SUGCT: variants seen among roughly 807,000 people sequenced by gnomAD.
SUGCT encodes the protein succinyl-CoA:glutarate-CoA transferase.
Under a neutral mutation model 55.0 loss-of-function variants are expected in SUGCT, and 41 were observed. The observed-to-expected ratio is 0.74, with a 90% CI of 0.58 to 0.97. The LOEUF is 0.97. Ranked by LOEUF, SUGCT falls within the 50% of genes least tolerant of loss-of-function variation. SUGCT has a pLI of 0.00. For missense variants in SUGCT, 568 were observed against 547.8 expected, an observed-to-expected ratio of 1.04 and a Z score of -0.37; for synonymous variants, 187 against 200.4, an observed-to-expected ratio of 0.93 and a Z score of 0.56.
chr7:40,897,816 A>T, the SUGCT span, among the ~76,000 whole-genome samples: 1 of 152,202 alleles, frequency 6.6e-6, no homozygotes, highest in Non-Finnish European at 1.5e-5. Flanking sequence ...AAAGGTTTGT[A>T]AACGCACCAA....
the SUGCT span, among the ~76,000 whole-genome samples, chr7:40,956,524 A>T: frequency 6.6e-6 from 1 of 151,754 alleles, no homozygotes; most frequent in Non-Finnish European, 1.5e-5. Context: ...TGTCTTCTTT[A>T]TTCATCTGGC....
At chr7:40,325,784 C>T (rs1010727414) in intron 9 of SUGCT, among the ~76,000 whole-genome samples, 4 of 151,932 alleles carry the variant, frequency 2.6e-5, no homozygotes, top group East Asian at 1.9e-4. Context: ...CCAGCCTGGG[C>T]GACGAGCAAA....
At chr7:40,213,058 T>A (rs1298562738) in intron 6 of SUGCT, among the ~76,000 whole-genome samples, 1 of 152,220 alleles carries the variant, frequency 6.6e-6, no homozygotes, top group East Asian at 1.9e-4. Flanking sequence ...TTTCTTTCTA[T>A]AGGTCAAGAT....
At chr7:40,815,897 G>A (rs146798914) in intron 13 of SUGCT, among the ~76,000 whole-genome samples, 10 of 151,940 alleles carry the variant, frequency 6.6e-5, no homozygotes, top group Non-Finnish European at 1.0e-4. Context: ...AGGGTGGTGC[G>A]GCTCAGGCTG....
intron 12 of SUGCT, among the ~76,000 whole-genome samples, chr7:40,514,542 C>T (rs1234860007): frequency 6.6e-6 from 1 of 151,782 alleles, no homozygotes. Context: ...AACTCCATGT[C>T]TATTAAAAAG....
intron 13 of SUGCT, among the ~76,000 whole-genome samples, chr7:40,782,353 G>A (rs939458973): frequency 2.6e-4 from 39 of 151,876 alleles, no homozygotes; most frequent in Non-Finnish European, 5.0e-4. Flanking sequence ...CACTTTTCTT[G>A]CCAATATAAG....
intron 9 of SUGCT, among the ~76,000 whole-genome samples, chr7:40,400,579 A>G (rs934661592): frequency 1.8e-4 from 27 of 152,178 alleles, no homozygotes; most frequent in Admixed American, 1.3e-3. Flanking sequence ...GCCAACTTCT[A>G]TCTCCATCTT....
At chr7:40,887,706 G>A in the SUGCT span, among the ~76,000 whole-genome samples, 1 of 152,156 alleles carries the variant, frequency 6.6e-6, no homozygotes, top group Admixed American at 6.5e-5. Context: ...GGAGTTGTCT[G>A]GACTAGAGAG....
rs550662510 is a variant in SUGCT, at chr7:40,593,006, C to T, written c.1089+96620C>T. 6.6e-5 allele frequency among the ~76,000 whole-genome samples: 10 copies of T among 152,242 alleles called. No individual in the cohort carries two copies. In the South Asian group the frequency reaches 1.0e-3, roughly 16 times the overall value. Reference sequence around the variant, plus strand: ...AGGGCACAAGTAAGTGCCAGGTGATCGAACCAGACCAGGGCCTAGGAGAAA... The same window carrying T: ...AGGGCACAAGTAAGTGCCAGGTGATTGAACCAGACCAGGGCCTAGGAGAAA... On this transcript the variant is annotated intron_variant, in intron 12 of 13. Transcript: ENST00000335693.
the SUGCT span, among the ~76,000 whole-genome samples, chr7:40,945,659 T>C: frequency 6.6e-6 from 1 of 152,016 alleles, no homozygotes; most frequent in South Asian, 2.1e-4. Flanking sequence ...TGAATGAAAA[T>C]TTTCACAAGC....
At chr7:40,367,321 A>G (rs890378290) in intron 9 of SUGCT, among the ~76,000 whole-genome samples, 6 of 151,638 alleles carry the variant, frequency 4.0e-5, no homozygotes, top group African/African-American at 1.2e-4. Flanking sequence ...ATGCTAAATG[A>G]CGAGTTAATG....
chr7:40,781,510 C>A (rs555682944), intron 13 of SUGCT, among the ~76,000 whole-genome samples: 1 of 152,120 alleles, frequency 6.6e-6, no homozygotes, highest in East Asian at 1.9e-4. Flanking sequence ...ACCACACACC[C>A]CTGTATATTA....
intron 6 of SUGCT, among the ~76,000 whole-genome samples, chr7:40,211,673 G>A (rs1787341766): frequency 6.6e-6 from 1 of 152,206 alleles, no homozygotes; most frequent in Non-Finnish European, 1.5e-5. Flanking sequence ...ACACATCTCA[G>A]ATGAAGATGG....
intron 12 of SUGCT, among the ~76,000 whole-genome samples, chr7:40,621,248 C>T (rs1799250297): frequency 6.6e-6 from 1 of 152,118 alleles, no homozygotes; most frequent in African/African-American, 2.4e-5. Flanking sequence ...GTCAGCAATT[C>T]TAGCCCAGCG....
At chr7:40,339,566 T>G (rs1796929287) in intron 9 of SUGCT, among the ~76,000 whole-genome samples, 1 of 152,210 alleles carries the variant, frequency 6.6e-6, no homozygotes. Context: ...TATAATCTCC[T>G]GGTGTGCCGT....
At chr7:40,347,144 A>G (rs1311673328) in intron 9 of SUGCT, among the ~76,000 whole-genome samples, 2 of 152,162 alleles carry the variant, frequency 1.3e-5, no homozygotes, top group East Asian at 3.8e-4. Flanking sequence ...GCCATGAAGC[A>G]ATTGTTGGTA....
At chr7:40,336,503 C>G (rs1043224175) in intron 9 of SUGCT, among the ~76,000 whole-genome samples, 1 of 152,110 alleles carries the variant, frequency 6.6e-6, no homozygotes, top group Non-Finnish European at 1.5e-5. Context: ...AGGAATTTAT[C>G]CATTTCTTCT....
At chr7:40,385,708 A>G (rs1424616583) in intron 9 of SUGCT, among the ~76,000 whole-genome samples, 3 of 81,686 alleles carry the variant, frequency 3.7e-5, no homozygotes, top group Non-Finnish European at 7.7e-5. Flanking sequence ...AAGGTGGTAC[A>G]TAGATGTGTT....
chr7:40,752,395 G>A (rs572247585), intron 13 of SUGCT, among the ~76,000 whole-genome samples: 9 of 151,988 alleles, frequency 5.9e-5, no homozygotes, highest in Non-Finnish European at 8.8e-5. Context: ...TCACTCTGTC[G>A]CCCAGGCTGA....
Sources: allele counts gnomAD v4.1 joint callset (sites outside exome capture counted in the v4.1 genomes callset), GRCh38; gene constraint gnomAD v4.1.1; transcripts MANE v1.5; gene names NCBI Gene and HGNC (gene_info 2026-07-23, HGNC 2026-07-21).